MBNL1: variants seen among roughly 807,000 people sequenced by gnomAD.
The protein encoded by MBNL1 is muscleblind-like protein 1.
Under a neutral mutation model 42.2 loss-of-function variants are expected in MBNL1, and 8 were observed. The ratio of observed to expected loss-of-function variants is 0.19; its 90% confidence interval spans 0.11 to 0.34. MBNL1 has a LOEUF of 0.34. Ranked by LOEUF, MBNL1 falls within the 10% of genes least tolerant of loss-of-function variation. The probability of loss-of-function intolerance (pLI) is 1.00; values close to 1 mark genes in which losing one functional copy is unlikely to be tolerated. For missense variants in MBNL1, 309 were observed against 495.3 expected, an observed-to-expected ratio of 0.62 and a Z score of 3.57; for synonymous variants, 169 against 173.9, an observed-to-expected ratio of 0.97 and a Z score of 0.22.
At chr3:152,340,372 G>A (rs1358451758) in intron 2 of MBNL1, 1 of 828,208 alleles carries the variant, frequency 1.2e-6, no homozygotes, top group Non-Finnish European at 1.9e-6. Flanking sequence ...CTCTTGTGGT[G>A]TATACTTGCC....
chr3:152,439,538 T>G (rs1315730128), intron 4 of MBNL1, among the ~76,000 whole-genome samples: 1 of 152,216 alleles, frequency 6.6e-6, no homozygotes, highest in African/African-American at 2.4e-5. Flanking sequence ...AGTTTTCACA[T>G]AGAGGTTTAT....
intron 4 of MBNL1, among the ~76,000 whole-genome samples, chr3:152,444,789 G>A (rs972381690): frequency 5.9e-5 from 9 of 152,044 alleles, no homozygotes; most frequent in African/African-American, 1.9e-4. Flanking sequence ...AGTACTAGTC[G>A]GTTATTAGTA....
At chr3:152,318,376 A>G (rs1201906547) in intron 2 of MBNL1, among the ~76,000 whole-genome samples, 3 of 152,212 alleles carry the variant, frequency 2.0e-5, no homozygotes, top group Non-Finnish European at 4.4e-5. Flanking sequence ...ACAAGAAATT[A>G]TGTAGCATCA....
chr3:152,316,486 C>G (rs1320384817), intron 2 of MBNL1, among the ~76,000 whole-genome samples: 4 of 152,126 alleles, frequency 2.6e-5, no homozygotes, highest in Non-Finnish European at 5.9e-5. Context: ...GGTACTTTTC[C>G]AAGCGTCCTG....
intron 2 of MBNL1, among the ~76,000 whole-genome samples, chr3:152,361,382 A>G: frequency 6.6e-6 from 1 of 151,256 alleles, no homozygotes. Flanking sequence ...TGATGCTTAG[A>G]TAGTAATTTG....
At position 152,463,014 on chromosome 3, in the gene MBNL1, T is replaced by A. The variant is rs944859225; in HGVS notation, c.*648T>A. 8 of 152,468 alleles carry A rather than the reference T, an allele frequency of 5.2e-5. No individual in the cohort carries two copies. The highest frequency in any genetic ancestry group is 1.9e-4 in the African/African-American group (8 of 41,396). The allele number at this position is 152,468 out of a possible 1,614,324, so 9.4% of individuals were successfully genotyped here. A position where few individuals can be genotyped will look rare whatever the true frequency, so the allele number is the denominator to read the frequency against. On this transcript the variant is annotated 3_prime_UTR_variant, in exon 10 of 10. Transcript: ENST00000324210. ...ATCATGGCTTTAAGTACCATGTTGT[T>A]AAGGATTCTCATGAAGTGCCATAGA...
At chr3:152,379,374 G>C (rs1360664608) in intron 2 of MBNL1, among the ~76,000 whole-genome samples, 1 of 152,180 alleles carries the variant, frequency 6.6e-6, no homozygotes, top group African/African-American at 2.4e-5. Flanking sequence ...ACCTATGGAG[G>C]TGTACAGCTT....
intron 2 of MBNL1, among the ~76,000 whole-genome samples, chr3:152,325,912 A>G (rs142204543): frequency 1.1e-4 from 17 of 152,092 alleles, no homozygotes; most frequent in South Asian, 2.1e-4. Context: ...CCATATATCT[A>G]TCAGTCAGCA....
At chr3:152,292,569 G>A (rs1334122399) in intron 1 of MBNL1, among the ~76,000 whole-genome samples, 1 of 152,178 alleles carries the variant, frequency 6.6e-6, no homozygotes, top group East Asian at 1.9e-4. Context: ...TCTGAAATGT[G>A]GCAGACCAGC....
intron 1 of MBNL1, among the ~76,000 whole-genome samples, chr3:152,285,134 T>C (rs916424936): frequency 1.3e-5 from 2 of 152,298 alleles, no homozygotes; most frequent in Non-Finnish European, 2.9e-5. Flanking sequence ...CAGGGGTTTC[T>C]CCTTCACTTA....
chr3:152,347,792 T>C (rs1423877256), intron 2 of MBNL1, among the ~76,000 whole-genome samples: 1 of 152,182 alleles, frequency 6.6e-6, no homozygotes, highest in African/African-American at 2.4e-5. Flanking sequence ...AGCACAGTAC[T>C]TTTTGTAAAC....
At chr3:152,326,031 A>G (rs182394895) in intron 2 of MBNL1, among the ~76,000 whole-genome samples, 9 of 152,254 alleles carry the variant, frequency 5.9e-5, no homozygotes, top group African/African-American at 2.4e-5. Context: ...CAGACATCCT[A>G]TCATGTCACT....
At chr3:152,289,924 A>T (rs553091259) in intron 1 of MBNL1, among the ~76,000 whole-genome samples, 6 of 152,248 alleles carry the variant, frequency 3.9e-5, no homozygotes, top group Admixed American at 2.6e-4. Context: ...TTTTTAGGAT[A>T]CATTCGAGCA....
chr3:152,324,939 A>G (rs763918329), intron 2 of MBNL1, among the ~76,000 whole-genome samples: 1 of 152,052 alleles, frequency 6.6e-6, no homozygotes, highest in Non-Finnish European at 1.5e-5. Flanking sequence ...ATTAATAGAT[A>G]TTTATTGATC....
At chr3:152,322,433 G>A (rs774435073) in intron 2 of MBNL1, among the ~76,000 whole-genome samples, 1 of 151,866 alleles carries the variant, frequency 6.6e-6, no homozygotes, top group Non-Finnish European at 1.5e-5. Context: ...AAAAATTGAC[G>A]CAGCTCCCTT....
intron 2 of MBNL1, among the ~76,000 whole-genome samples, chr3:152,326,819 T>TTATTTATTTA: frequency 6.6e-6 from 1 of 151,420 alleles, no homozygotes; most frequent in East Asian, 1.9e-4. Flanking sequence ...ATTTATTTAT[T>TTATTTATTTA]GAGACAGAGT....
intron 2 of MBNL1, among the ~76,000 whole-genome samples, chr3:152,400,552 C>T (rs2098170546): frequency 6.6e-6 from 1 of 152,196 alleles, no homozygotes; most frequent in Non-Finnish European, 1.5e-5. Context: ...AATAAGGGCT[C>T]TCATGGGTAC....
chr3:152,340,992 G>C, intron 2 of MBNL1: 7 of 1,439,460 alleles, frequency 4.9e-6, no homozygotes, highest in Non-Finnish European at 6.5e-6. Flanking sequence ...ATTGATGAGG[G>C]GACACAAACT....
chr3:152,292,145 G>A (rs2056351147), intron 1 of MBNL1, among the ~76,000 whole-genome samples: 2 of 152,290 alleles, frequency 1.3e-5, no homozygotes, highest in East Asian at 1.9e-4. Flanking sequence ...GCCTATTGGG[G>A]TATAGAGCTA....
Sources: allele counts gnomAD v4.1 joint callset (sites outside exome capture counted in the v4.1 genomes callset), GRCh38; gene constraint gnomAD v4.1.1; transcripts MANE v1.5; gene names NCBI Gene and HGNC (gene_info 2026-07-23, HGNC 2026-07-21).